SNRPD1: variants seen among roughly 807,000 people sequenced by gnomAD.
The protein encoded by SNRPD1 is small nuclear ribonucleoprotein D1 polypeptide.
In SNRPD1, 1 loss-of-function variant was observed where a neutral mutation model predicts 14.4. That is an observed-to-expected ratio of 0.07 (90% CI 0.02 to 0.33). The LOEUF is 0.33. Ranked by LOEUF, SNRPD1 falls within the 10% of genes least tolerant of loss-of-function variation. The pLI, the probability that SNRPD1 is intolerant of heterozygous loss-of-function variation, is 1.00. For synonymous variants in SNRPD1, 42 were observed against 50.3 expected (o/e 0.83, Z 0.70); for missense variants, 52 against 146.4 (o/e 0.36, Z 3.33).
At chr18:21,613,871 A>AAG (rs2038938675) in intron 1 of SNRPD1, among the ~76,000 whole-genome samples, 1 of 151,376 alleles carries the variant, frequency 6.6e-6, no homozygotes, top group Non-Finnish European at 1.5e-5. Flanking sequence ...AAAAAAAAAA[A>AAG]AAAAAAATTA....
chr18:21,627,361 T>C (rs1246304569), intron 3 of SNRPD1, among the ~76,000 whole-genome samples: 1 of 151,892 alleles, frequency 6.6e-6, no homozygotes, highest in Non-Finnish European at 1.5e-5. Flanking sequence ...ACAATCCTCC[T>C]GCTGTGGCCT....
chr18:21,626,173 G>A (rs972438267), intron 3 of SNRPD1, among the ~76,000 whole-genome samples: 2 of 150,416 alleles, frequency 1.3e-5, no homozygotes, highest in African/African-American at 4.9e-5. Flanking sequence ...CGGGCAGATC[G>A]CCTGAACTCG....
At chr18:21,613,679 AC>A (rs1233528233) in intron 1 of SNRPD1, among the ~76,000 whole-genome samples, 3 of 151,842 alleles carry the variant, frequency 2.0e-5, no homozygotes, top group African/African-American at 7.3e-5. Flanking sequence ...ACATGGTGAA[AC>A]CCCGTCTCTA....
chr18:21,623,127 C>A (rs922951593), intron 2 of SNRPD1, among the ~76,000 whole-genome samples: 1 of 151,832 alleles, frequency 6.6e-6, no homozygotes, highest in African/African-American at 2.4e-5. Context: ...ACTCTGTTAC[C>A]CAGGCTGGAG....
chr18:21,616,057 T>C (rs1392188203), intron 1 of SNRPD1, among the ~76,000 whole-genome samples: 2 of 152,052 alleles, frequency 1.3e-5, no homozygotes, highest in African/African-American at 4.8e-5. Context: ...ATGATCTTGG[T>C]TCACTGCAAG....
chr18:21,621,417 G>A (rs1040438919), intron 1 of SNRPD1, among the ~76,000 whole-genome samples: 1 of 151,882 alleles, frequency 6.6e-6, no homozygotes, highest in Non-Finnish European at 1.5e-5. Flanking sequence ...TTGGCTTTTT[G>A]TGAGATGGAG....
rs933260752 is a variant in SNRPD1 at position 21,629,787 on chromosome 18, T to C, written c.*649T>C. 6.6e-6 allele frequency: 1 copy of C among 152,316 alleles called. No homozygotes were observed. Among genetic ancestry groups the C allele is most frequent in the Non-Finnish European group, 1.5e-5 (1 of 68,154 alleles). 9.4% of individuals were successfully genotyped at this position (152,316 alleles called of 1,614,324 possible). A position where few individuals can be genotyped will look rare whatever the true frequency, so the allele number is the denominator to read the frequency against. ...TTTAGGCTAAACTTAACAATATATA[T>C]AGGATATATACCCTTCTACTTCACA... On this transcript the variant is annotated 3_prime_UTR_variant, in exon 4 of 4. Coordinates refer to ENST00000300413, the MANE Select transcript of SNRPD1 (RefSeq NM_006938.4).
Position 21,612,384 on chromosome 18 carries a change from A to G in SNRPD1, c.-46A>G. 2 of 1,509,644 alleles carry G rather than the reference A, an allele frequency of 1.3e-6. No individual in the cohort carries two copies. Among genetic ancestry groups the G allele is most frequent in the Non-Finnish European group, 1.8e-6 (2 of 1,114,640 alleles). The allele number at this position is 1,509,644 out of a possible 1,614,324, so 93.5% of individuals were successfully genotyped here. On this transcript the variant is annotated 5_prime_UTR_variant, in exon 1 of 4. Transcript: ENST00000300413. ...CTGCAGTCGGTCAGTGTTCGGTTGA[A>G]GGATTCTGTGTGCTGTCGGACCCAG...
At chr18:21,619,989 C>G (rs144187271) in intron 1 of SNRPD1, among the ~76,000 whole-genome samples, 22,622 of 151,722 alleles carry the variant, frequency 0.15, 1,924 homozygotes, top group Middle Eastern at 0.27. Flanking sequence ...GAGTCTTGCT[C>G]TGTCACCCAG....
intron 1 of SNRPD1, among the ~76,000 whole-genome samples, chr18:21,615,469 G>A (rs1003587872): frequency 9.9e-5 from 15 of 151,916 alleles, no homozygotes; most frequent in Non-Finnish European, 7.4e-5. Flanking sequence ...TACCAAAAAA[G>A]TAGCTGGGCA....
chr18:21,614,815 A>C (rs1438898506), intron 1 of SNRPD1, among the ~76,000 whole-genome samples: 1 of 152,196 alleles, frequency 6.6e-6, no homozygotes, highest in African/African-American at 2.4e-5. Context: ...ACAGTGAAAG[A>C]TTCATCTGAA....
chr18:21,613,683 C>T (rs957645523), intron 1 of SNRPD1, among the ~76,000 whole-genome samples: 2 of 151,552 alleles, frequency 1.3e-5, no homozygotes, highest in African/African-American at 4.8e-5. Context: ...GGTGAAACCC[C>T]GTCTCTACGA....
chr18:21,623,866 A>C lies in SNRPD1; in HGVS notation c.210A>C (p.Leu70=), dbSNP rs141758776. 113 of 1,612,862 alleles carry C rather than the reference A, an allele frequency of 7.0e-5. No individual in the cohort carries two copies. In the East Asian group the frequency reaches 2.1e-3, roughly 30 times the overall value. Reference sequence around the variant, plus strand: ...GAAATAACATTCGGTATTTTATTCTACCAGACAGTTTACCTCTGGATACAC... The same window carrying C: ...GAAATAACATTCGGTATTTTATTCTCCCAGACAGTTTACCTCTGGATACAC... The part of the protein sequence containing the change: ...IRGNNIRYFI[L]PDSLPLDTLL... The change falls in exon 3 of 4, where the codon CTA becomes CTC. Residue 70 remains leucine (L), a synonymous_variant. Transcript: ENST00000300413.
intron 2 of SNRPD1, among the ~76,000 whole-genome samples, chr18:21,623,190 G>C (rs1346570991): frequency 1.3e-5 from 2 of 151,736 alleles, no homozygotes; most frequent in East Asian, 3.9e-4. Flanking sequence ...GGTCCGGGTT[G>C]AAGCAATTCT....
In SNRPD1 at chr18:21,629,282, T is replaced by A; in HGVS notation, c.*144T>A. ...AAAGTTTTAGTAGTTTCCTCCACAT[T>A]CACGAAATTACCACAGTGAGAGCTA... On this transcript the variant is annotated 3_prime_UTR_variant, in exon 4 of 4. Coordinates refer to ENST00000300413, the MANE Select transcript of SNRPD1 (RefSeq NM_006938.4). The A allele has an allele frequency of 1.6e-6, 1 of 629,666 alleles. No homozygotes were observed. The highest frequency in any genetic ancestry group is 2.2e-5 in the South Asian group (1 of 46,372). The allele number at this position is 629,666 out of a possible 1,614,324, so 39.0% of individuals were successfully genotyped here.
intron 1 of SNRPD1, among the ~76,000 whole-genome samples, chr18:21,615,846 T>C (rs984310586): frequency 2.6e-5 from 4 of 152,180 alleles, no homozygotes; most frequent in African/African-American, 9.6e-5. Flanking sequence ...GTTGTACCAT[T>C]TTACACTTCC....
chr18:21,616,105 C>A (rs1321075519), intron 1 of SNRPD1, among the ~76,000 whole-genome samples: 1 of 152,192 alleles, frequency 6.6e-6, no homozygotes, highest in African/African-American at 2.4e-5. Context: ...CCTGCCTCAG[C>A]CTCCCGAGTA....
At position 21,630,048 on chromosome 18, in the gene SNRPD1, CT is replaced by C. The variant is rs748523057; in HGVS notation, c.*914del. 9 of 152,112 alleles carry C rather than the reference CT, an allele frequency of 5.9e-5. No individual in the cohort carries two copies. Among genetic ancestry groups the C allele is most frequent in the Non-Finnish European group, 8.8e-5 (6 of 67,998 alleles). 9.4% of individuals were successfully genotyped at this position (152,112 alleles called of 1,614,324 possible). ...AGCTGCTAATGTCTTACTTTTGTTT[CT>C]TTTGCTTTTTAATCAGTTCTTAATA... On this transcript the variant is annotated 3_prime_UTR_variant, in exon 4 of 4. Transcript: ENST00000300413.
In SNRPD1 at chr18:21,633,252, G is replaced by T. The variant is rs892490497; in HGVS notation, c.*4114G>T. The T allele has an allele frequency of 1.3e-5, 2 of 152,236 alleles. No individual in the cohort carries two copies. Among genetic ancestry groups the T allele is most frequent in the South Asian group, 4.1e-4 (2 of 4,832 alleles). The allele number at this position is 152,236 out of a possible 1,614,324, so 9.4% of individuals were successfully genotyped here. The stretch of plus-strand genomic sequence containing the variant: ...GTTTCTTTTAATCTATCATAATTAT[G>T]TGAGCATAACTTAGTATTTTGAAAT... On this transcript the variant is annotated 3_prime_UTR_variant, in exon 4 of 4. Transcript: ENST00000300413.
Sources: allele counts gnomAD v4.1 joint callset (sites outside exome capture counted in the v4.1 genomes callset), GRCh38; gene constraint gnomAD v4.1.1; transcripts MANE v1.5; gene names NCBI Gene and HGNC (gene_info 2026-07-23, HGNC 2026-07-21).